The following MAP7D2 variants were observed in gnomAD, a reference collection of about 807,000 sequenced individuals.
MAP7D2 encodes MAP7 domain-containing protein 2.
A neutral mutation model predicts 63.5 loss-of-function variants in MAP7D2; 33 were observed. That is an observed-to-expected ratio of 0.52 (90% CI 0.39 to 0.70). MAP7D2 has a LOEUF of 0.70. Among genes scored for constraint, MAP7D2 ranks in the 30% least tolerant of loss-of-function variants. MAP7D2 has a pLI of 0.00. For missense variants in MAP7D2, 626 were observed against 604.0 expected (o/e 1.04, Z -0.38); for synonymous variants, 224 against 223.7 (o/e 1.00, Z -0.01).
At chrX:20,077,522 T>C (rs1374910286) in intron 1 of MAP7D2, among the ~76,000 whole-genome samples, 1 of 112,339 alleles carries the variant, frequency 8.9e-6, no homozygotes, top group African/African-American at 3.2e-5. Flanking sequence ...CTTCCTCTTC[T>C]ATAAAATGGA....
chrX:20,025,026 G>A lies in MAP7D2; in HGVS notation c.1337C>T (p.Ala446Val). 1 of 1,211,265 alleles carries A rather than the reference G, an allele frequency of 8.3e-7. No homozygotes were observed. Residue 446 changes from alanine (A) to valine (V), a missense_variant, in exon 10 of 17, where the codon GCT (alanine) becomes GTT (valine). Ala to Val is a moderately conservative substitution (Grantham distance 64). Transcript: ENST00000379643. Reference protein sequence around the residue: ...TDAGEAAKILAEKRRQARLQK... With the variant: ...TDAGEAAKILVEKRRQARLQK... ...CAGCCGGGCCTGTCTTCTCTTTTCA[G>A]CCAAGATCTTCGCAGCCTCTCCTGC...
chrX:20,113,712 T>C (rs1289297230), intron 1 of MAP7D2, among the ~76,000 whole-genome samples: 1 of 111,145 alleles, frequency 9.0e-6, no homozygotes, highest in African/African-American at 3.3e-5. Flanking sequence ...TAGTAGGTAG[T>C]AGGTGCATAT....
intron 1 of MAP7D2, among the ~76,000 whole-genome samples, chrX:20,077,395 G>A (rs1457283179): frequency 1.8e-5 from 2 of 111,595 alleles, no homozygotes; most frequent in African/African-American, 3.3e-5. Flanking sequence ...GGAGGTTGCC[G>A]TGAGCCAAAG....
At chrX:20,016,766 C>A (rs1386200185) in intron 10 of MAP7D2, among the ~76,000 whole-genome samples, 1 of 112,124 alleles carries the variant, frequency 8.9e-6, no homozygotes, top group Non-Finnish European at 1.9e-5. Context: ...AATTTAAGAG[C>A]AGTGACTACG....
At chrX:20,046,995 T>C (rs912251992) in intron 6 of MAP7D2, among the ~76,000 whole-genome samples, 9 of 112,984 alleles carry the variant, frequency 8.0e-5, no homozygotes, top group African/African-American at 2.9e-4. Flanking sequence ...GAAAGCACCT[T>C]GGACTCAGAC....
At chrX:20,112,362 G>A (rs1355741938) in intron 1 of MAP7D2, among the ~76,000 whole-genome samples, 2 of 111,659 alleles carry the variant, frequency 1.8e-5, no homozygotes, top group African/African-American at 6.5e-5. Flanking sequence ...TTTTCCTTTC[G>A]CTTAAATGAC....
intron 1 of MAP7D2, 51 bp from the exon 2 acceptor site, chrX:20,064,856 C>T (rs759087417): frequency 9.3e-7 from 1 of 1,071,777 alleles, no homozygotes; most frequent in African/African-American, 1.8e-5. Context: ...CTTTCCCTAT[C>T]TGCTAAGTAC....
intron 1 of MAP7D2, among the ~76,000 whole-genome samples, chrX:20,084,853 G>A (rs984505519): frequency 1.3e-4 from 14 of 111,534 alleles, no homozygotes; most frequent in African/African-American, 4.6e-4. Context: ...GATTACAGGT[G>A]TAAGCTACCA....
At chrX:20,069,631 T>TGGGAG (rs1410181520) in intron 1 of MAP7D2, among the ~76,000 whole-genome samples, 2 of 110,825 alleles carry the variant, frequency 1.8e-5, no homozygotes, top group Non-Finnish European at 3.8e-5. Flanking sequence ...GGGAGGGAAG[T>TGGGAG]GGATGTCTAT....
intron 1 of MAP7D2, among the ~76,000 whole-genome samples, chrX:20,100,330 A>C (rs1283429888): frequency 8.9e-6 from 1 of 112,010 alleles, no homozygotes; most frequent in Non-Finnish European, 1.9e-5. Flanking sequence ...GACCATACCA[A>C]GTACTGACAA....
At position 20,016,089 on chromosome X, in the gene MAP7D2, A is replaced by C; in HGVS notation, c.1644+5T>G. 5 of 1,206,647 alleles carry C rather than the reference A, an allele frequency of 4.1e-6. No homozygotes were observed. Among genetic ancestry groups the C allele is most frequent in the Non-Finnish European group, 5.6e-6 (5 of 891,050 alleles). ...GTAAAGTCCATCTGAGGACTCATAC[A>C]GTACCTGCTTTTCAATCATGGCTTT... On this transcript the variant is annotated splice_donor_5th_base_variant and intron_variant, in intron 11 of 16. Transcript: ENST00000379643.
intron 1 of MAP7D2, among the ~76,000 whole-genome samples, chrX:20,097,106 T>C (rs191002580): frequency 1.2e-3 from 136 of 111,439 alleles, no homozygotes; most frequent in African/African-American, 4.0e-3. Flanking sequence ...ATGACAGAAG[T>C]GTTCTATATC....
chrX:20,101,373 T>C lies in MAP7D2; in HGVS notation c.130+15377A>G, dbSNP rs1023166444. 1.3e-4 allele frequency among the ~76,000 whole-genome samples: 15 copies of C among 112,300 alleles called. No homozygotes were observed. The East Asian group carries it at 2.5e-3, about 19-fold the overall frequency. ...TGACATTTCTGAGCCCATTGAGGCC[T>C]ATAAGAAAAAATCGAATATCAAGCG... On this transcript the variant is annotated intron_variant, in intron 1 of 16. Coordinates refer to ENST00000379643, the MANE Select transcript of MAP7D2 (RefSeq NM_001168465.2).
At chrX:20,079,650 A>G (rs188868335) in intron 1 of MAP7D2, among the ~76,000 whole-genome samples, 8 of 112,194 alleles carry the variant, frequency 7.1e-5, no homozygotes, top group Admixed American at 6.7e-4. Flanking sequence ...TCAGAGGTTT[A>G]AATTCCTCTT....
chrX:20,067,086 C>T (rs1206988168), intron 1 of MAP7D2, among the ~76,000 whole-genome samples: 1 of 112,248 alleles, frequency 8.9e-6, no homozygotes, highest in East Asian at 2.8e-4. Flanking sequence ...AAAGAAAAGC[C>T]TAGGACGCCT....
At chrX:20,081,619 C>T (rs2065779279) in intron 1 of MAP7D2, among the ~76,000 whole-genome samples, 1 of 110,622 alleles carries the variant, frequency 9.0e-6, no homozygotes, top group Non-Finnish European at 1.9e-5. Context: ...AGGCTGACAA[C>T]TCTTCCTTGG....
intron 10 of MAP7D2, among the ~76,000 whole-genome samples, chrX:20,022,398 A>G (rs2073684326): frequency 9.0e-6 from 1 of 111,299 alleles, no homozygotes; most frequent in Non-Finnish European, 1.9e-5. Context: ...AAAGGACAGG[A>G]GAACAATCAC....
intron 1 of MAP7D2, among the ~76,000 whole-genome samples, chrX:20,109,608 C>T (rs893997943): frequency 9.0e-6 from 1 of 110,682 alleles, no homozygotes; most frequent in African/African-American, 3.3e-5. Context: ...ACTGTGTGCC[C>T]TTGGGCAAAT....
At chrX:20,044,192 T>TA (rs1267099105) in intron 7 of MAP7D2, among the ~76,000 whole-genome samples, 172 bp downstream of exon 7, 1 of 111,963 alleles carries the variant, frequency 8.9e-6, no homozygotes, top group Non-Finnish European at 1.9e-5. Flanking sequence ...TGCAAAAAGT[T>TA]AAATGATTTT....
Sources: gnomAD v4.1 joint callset for allele counts (sites outside exome capture counted in the v4.1 genomes callset) on GRCh38, gnomAD v4.1.1 for gene constraint, MANE v1.5 for transcripts, NCBI Gene and HGNC (gene_info 2026-07-23, HGNC 2026-07-21) for gene names.